The following SPEF2 variants were observed in gnomAD, a reference collection of about 807,000 sequenced individuals.
SPEF2 encodes sperm flagellar and cilia associated 2.
Under a neutral mutation model 224.6 loss-of-function variants are expected in SPEF2, and 187 were observed. That is an observed-to-expected ratio of 0.83 (90% CI 0.74 to 0.94). The LOEUF (loss-of-function observed/expected upper bound fraction) is 0.94. Among genes scored for constraint, SPEF2 ranks in the 40% least tolerant of loss-of-function variants. The probability of loss-of-function intolerance (pLI) is 0.00; values close to 1 mark genes in which losing one functional copy is unlikely to be tolerated. For synonymous variants in SPEF2, 715 were observed against 707.3 expected (o/e 1.01, Z -0.17); for missense variants, 2,170 against 2,135.6 (o/e 1.02, Z -0.32).
intron 34 of SPEF2, among the ~76,000 whole-genome samples, chr5:35,804,716 TAA>T: frequency 6.6e-6 from 1 of 151,706 alleles, no homozygotes; most frequent in Middle Eastern, 3.4e-3. Flanking sequence ...TCTTAAATTT[TAA>T]AAAAAAATCA....
chr5:35,790,443 A>C (rs1227894021), intron 30 of SPEF2: 1 of 428,730 alleles, frequency 2.3e-6, no homozygotes, highest in Non-Finnish European at 4.1e-6. Context: ...AAAATAAAAT[A>C]AATGGTTTCC....
At chr5:35,762,036 C>T (rs1751360592) in intron 25 of SPEF2, among the ~76,000 whole-genome samples, 2 of 152,036 alleles carry the variant, frequency 1.3e-5, no homozygotes, top group South Asian at 4.2e-4. Context: ...TTATTCTTCC[C>T]AACAACCCTA....
At chr5:35,619,703 C>T (rs1743230880) in intron 1 of SPEF2, among the ~76,000 whole-genome samples, 1 of 151,904 alleles carries the variant, frequency 6.6e-6, no homozygotes, top group African/African-American at 2.4e-5. Flanking sequence ...ACAAAACAAA[C>T]AAACAAACAA....
chr5:35,777,017 T>C (rs1753695233), intron 29 of SPEF2, among the ~76,000 whole-genome samples: 1 of 152,186 alleles, frequency 6.6e-6, no homozygotes. Context: ...ATTAGTAGCA[T>C]GCTTGATTGC....
chr5:35,775,548 G>A (rs1030073958), intron 28 of SPEF2, among the ~76,000 whole-genome samples: 1 of 152,096 alleles, frequency 6.6e-6, no homozygotes. Flanking sequence ...GCACTGCCAA[G>A]AATGTTCAAT....
At chr5:35,631,971 G>A (rs1465404891) in intron 2 of SPEF2, among the ~76,000 whole-genome samples, 1 of 152,174 alleles carries the variant, frequency 6.6e-6, no homozygotes. Context: ...AACCACCTCA[G>A]CCTGGACTTC....
At chr5:35,780,422 A>G (rs984193774) in intron 30 of SPEF2, among the ~76,000 whole-genome samples, 2 of 152,190 alleles carry the variant, frequency 1.3e-5, no homozygotes, top group African/African-American at 4.8e-5. Context: ...TCATCAAATC[A>G]GCTAGAGCAG....
At chr5:35,629,299 G>T (rs926737284) in intron 2 of SPEF2, among the ~76,000 whole-genome samples, 2 of 151,148 alleles carry the variant, frequency 1.3e-5, no homozygotes, top group African/African-American at 4.9e-5. Context: ...GACTACAGGC[G>T]CCTGCCACCA....
intron 34 of SPEF2, among the ~76,000 whole-genome samples, chr5:35,804,516 T>G (rs1757825919): frequency 6.6e-6 from 1 of 152,172 alleles, no homozygotes; most frequent in African/African-American, 2.4e-5. Context: ...TTTCCCTCTC[T>G]GCAGGACCAT....
chr5:35,803,643 A>C (rs1441856225), intron 34 of SPEF2, among the ~76,000 whole-genome samples: 1 of 152,126 alleles, frequency 6.6e-6, no homozygotes, highest in Admixed American at 6.5e-5. Context: ...ACTGTCTCCA[A>C]CTGTGGCACT....
At chr5:35,683,348 G>A (rs1201852603) in intron 10 of SPEF2, among the ~76,000 whole-genome samples, 2 of 152,210 alleles carry the variant, frequency 1.3e-5, no homozygotes, top group East Asian at 3.8e-4. Flanking sequence ...TAGTGGGCCG[G>A]GTGCTGTGGC....
chr5:35,717,431 G>A (rs1742778748), intron 20 of SPEF2, among the ~76,000 whole-genome samples: 1 of 152,172 alleles, frequency 6.6e-6, no homozygotes, highest in African/African-American at 2.4e-5. Context: ...GTCAATTATT[G>A]TAGGTGCTAC....
chr5:35,691,360 A>C, intron 11 of SPEF2, 104 bp downstream of exon 11: 1 of 875,648 alleles, frequency 1.1e-6, no homozygotes. Flanking sequence ...CACTGCTGAT[A>C]TGTTGGGAAA....
intron 34 of SPEF2, among the ~76,000 whole-genome samples, chr5:35,803,773 G>C (rs1037027761): frequency 2.0e-5 from 3 of 152,140 alleles, no homozygotes; most frequent in Admixed American, 2.0e-4. Context: ...CATTCAATCA[G>C]ATCTCTGCTT....
At chr5:35,785,194 G>A (rs1437375836) in intron 30 of SPEF2, among the ~76,000 whole-genome samples, 4 of 152,182 alleles carry the variant, frequency 2.6e-5, no homozygotes, top group African/African-American at 9.7e-5. Context: ...CAGCAAAGAG[G>A]ACTATGGCCC....
chr5:35,694,475 G>A, intron 13 of SPEF2, 112 bp downstream of exon 13: 1 of 895,364 alleles, frequency 1.1e-6, no homozygotes, highest in Admixed American at 2.3e-5. Context: ...ACCAAGGGGA[G>A]TTTTACATAG....
At chr5:35,790,422 T>C in intron 30 of SPEF2, 1 of 436,516 alleles carries the variant, frequency 2.3e-6, no homozygotes, top group East Asian at 3.4e-5. Context: ...CTCTTTTGCA[T>C]AGTAAAAAAT....
At chr5:35,748,099 C>T (rs966824517) in intron 23 of SPEF2, among the ~76,000 whole-genome samples, 12 of 151,958 alleles carry the variant, frequency 7.9e-5, no homozygotes, top group Admixed American at 3.3e-4. Context: ...GGATCAAAAA[C>T]GAAATCAAGA....
At chr5:35,791,745 A>G (rs919516582) in intron 30 of SPEF2, among the ~76,000 whole-genome samples, 1 of 152,140 alleles carries the variant, frequency 6.6e-6, no homozygotes, top group Admixed American at 6.5e-5. Flanking sequence ...AAAGATTTTA[A>G]AAGGTTAGTA....
Sources: gnomAD v4.1 joint callset for allele counts (sites outside exome capture counted in the v4.1 genomes callset) on GRCh38, gnomAD v4.1.1 for gene constraint, MANE v1.5 for transcripts, NCBI Gene and HGNC (gene_info 2026-07-23, HGNC 2026-07-21) for gene names.